Variants in CNTN4 observed in about 807,000 individuals in gnomAD.
The protein encoded by CNTN4 is contactin-4.
Under a neutral mutation model 122.5 loss-of-function variants are expected in CNTN4, and 77 were observed. The observed-to-expected ratio is 0.63, with a 90% CI of 0.52 to 0.76. CNTN4 has a LOEUF of 0.76. Ranked by LOEUF, CNTN4 falls within the 30% of genes least tolerant of loss-of-function variation. The pLI is 0.00. For missense variants in CNTN4, 1,256 were observed against 1,259.1 expected (o/e 1.00, Z 0.04); for synonymous variants, 512 against 447.0 (o/e 1.15, Z -1.83).
At chr3:2,715,033 G>C (rs924576914) in intron 4 of CNTN4, among the ~76,000 whole-genome samples, 2 of 152,208 alleles carry the variant, frequency 1.3e-5, no homozygotes, top group Non-Finnish European at 2.9e-5. Context: ...GCATTTGGCA[G>C]CTTTCTACAT....
intron 12 of CNTN4, among the ~76,000 whole-genome samples, chr3:2,925,101 G>A (rs1053621592): frequency 9.2e-5 from 14 of 152,176 alleles, no homozygotes; most frequent in African/African-American, 3.4e-4. Context: ...TCATGGTGGT[G>A]TATACCAAAT....
At chr3:2,132,684 T>A (rs1486748770) in intron 2 of CNTN4, among the ~76,000 whole-genome samples, 1 of 151,984 alleles carries the variant, frequency 6.6e-6, no homozygotes, top group Non-Finnish European at 1.5e-5. Flanking sequence ...AGTGCAGGAG[T>A]TTAAAACATT....
chr3:2,340,173 A>G (rs549488616), intron 3 of CNTN4, among the ~76,000 whole-genome samples: 76 of 152,308 alleles, frequency 5.0e-4, no homozygotes, highest in African/African-American at 1.8e-3. Flanking sequence ...GGATTTCAAC[A>G]GATCTTTTAG....
At chr3:2,269,997 C>T (rs1447403448) in intron 2 of CNTN4, among the ~76,000 whole-genome samples, 6 of 48,660 alleles carry the variant, frequency 1.2e-4, no homozygotes, top group African/African-American at 2.1e-4. Context: ...GGCCGGACTG[C>T]GGACTGCAGT....
At chr3:2,737,617 G>GT (rs1163026695) in intron 5 of CNTN4, among the ~76,000 whole-genome samples, 1 of 152,206 alleles carries the variant, frequency 6.6e-6, no homozygotes, top group Non-Finnish European at 1.5e-5. Flanking sequence ...AAGTCTACAA[G>GT]TAAGTGGGTT....
intron 2 of CNTN4, among the ~76,000 whole-genome samples, chr3:2,199,103 G>A (rs2037977187): frequency 6.6e-6 from 1 of 152,190 alleles, no homozygotes; most frequent in Non-Finnish European, 1.5e-5. Context: ...CTCTAGCTGG[G>A]AGGAATTCCC....
intron 13 of CNTN4, among the ~76,000 whole-genome samples, chr3:2,944,670 C>A (rs1377142989): frequency 6.6e-6 from 1 of 152,136 alleles, no homozygotes; most frequent in African/African-American, 2.4e-5. Flanking sequence ...ATATTTGAGG[C>A]AACTGAAGTA....
At chr3:2,872,876 G>T (rs945025772) in intron 8 of CNTN4, among the ~76,000 whole-genome samples, 3 of 152,160 alleles carry the variant, frequency 2.0e-5, no homozygotes, top group East Asian at 3.9e-4. Context: ...AAATGTTTAT[G>T]TATGTTCTCA....
chr3:2,438,824 A>G (rs1394704990), intron 3 of CNTN4, among the ~76,000 whole-genome samples: 4 of 152,182 alleles, frequency 2.6e-5, no homozygotes, highest in Admixed American at 2.0e-4. Context: ...TAAACAGGAT[A>G]TGAAGCCATT....
chr3:2,487,984 T>C (rs2076210456), intron 3 of CNTN4, among the ~76,000 whole-genome samples: 1 of 152,192 alleles, frequency 6.6e-6, no homozygotes, highest in Non-Finnish European at 1.5e-5. Flanking sequence ...CTGTGGCTGA[T>C]CAACACAGAT....
chr3:2,668,625 C>G (rs1269311540), intron 4 of CNTN4, among the ~76,000 whole-genome samples: 1 of 152,162 alleles, frequency 6.6e-6, no homozygotes, highest in Non-Finnish European at 1.5e-5. Flanking sequence ...ACTTCCAACA[C>G]TATGTTGAAT....
intron 10 of CNTN4, among the ~76,000 whole-genome samples, chr3:2,898,503 C>G (rs1577199985): frequency 6.6e-6 from 1 of 152,120 alleles, no homozygotes; most frequent in African/African-American, 2.4e-5. Flanking sequence ...TTTGCAAGGC[C>G]TTTTCAAAAT....
chr3:2,287,666 A>AGAG (rs1559415415), intron 2 of CNTN4, among the ~76,000 whole-genome samples: 9 of 50,662 alleles, frequency 1.8e-4, no homozygotes, highest in Non-Finnish European at 3.2e-4. Flanking sequence ...AAGAAGAAGA[A>AGAG]GAAGAAGAAG....
intron 2 of CNTN4, among the ~76,000 whole-genome samples, chr3:2,276,065 A>G (rs1462057339): frequency 1.3e-5 from 2 of 152,096 alleles, no homozygotes; most frequent in African/African-American, 4.8e-5. Context: ...ATAAACTTTT[A>G]TATATTGAAA....
At chr3:2,735,545 C>T (rs2089020033) in intron 4 of CNTN4, among the ~76,000 whole-genome samples, 1 of 152,124 alleles carries the variant, frequency 6.6e-6, no homozygotes, top group African/African-American at 2.4e-5. Flanking sequence ...TGTTATAGAC[C>T]AGTTTGGGCG....
chr3:2,680,261 G>C (rs2085095371), intron 4 of CNTN4, among the ~76,000 whole-genome samples: 1 of 152,190 alleles, frequency 6.6e-6, no homozygotes, highest in Non-Finnish European at 1.5e-5. Flanking sequence ...GCTTCAAAAA[G>C]AGGGAGATTA....
intron 2 of CNTN4, among the ~76,000 whole-genome samples, chr3:2,291,812 C>T (rs1185090200): frequency 1.3e-5 from 2 of 152,114 alleles, no homozygotes. Flanking sequence ...TGGCTCACTG[C>T]AACCTCCGCC....
intron 2 of CNTN4, among the ~76,000 whole-genome samples, chr3:2,201,002 ATG>A (rs1225400273): frequency 6.6e-6 from 1 of 152,190 alleles, no homozygotes. Flanking sequence ...GGGTGGGTGA[ATG>A]TGAGACTTTA....
intron 13 of CNTN4, among the ~76,000 whole-genome samples, chr3:2,987,799 G>A (rs2055318): frequency 0.23 from 35,052 of 151,998 alleles, 4,452 homozygotes; most frequent in African/African-American, 0.33. Flanking sequence ...CCAAAGTCAC[G>A]CTGAGTCGTG....
Sources: allele counts gnomAD v4.1 joint callset (sites outside exome capture counted in the v4.1 genomes callset), GRCh38; gene constraint gnomAD v4.1.1; transcripts MANE v1.5; gene names NCBI Gene and HGNC (gene_info 2026-07-23, HGNC 2026-07-21).